The following TENM3 variants were observed in gnomAD, a reference collection of about 807,000 sequenced individuals.
TENM3 encodes the protein teneurin-3.
A neutral mutation model predicts 255.1 loss-of-function variants in TENM3; 63 were observed. The observed-to-expected ratio is 0.25, with a 90% CI of 0.20 to 0.30. TENM3 has a LOEUF of 0.30. Ranked by LOEUF, TENM3 falls within the 10% of genes least tolerant of loss-of-function variation. TENM3 has a pLI of 1.00. For missense variants in TENM3, 2,929 were observed against 3,461.1 expected, an observed-to-expected ratio of 0.85 and a Z score of 3.86; for synonymous variants, 1,306 against 1,322.3, an observed-to-expected ratio of 0.99 and a Z score of 0.27.
the TENM3 span, among the ~76,000 whole-genome samples, chr4:181,570,040 T>C: frequency 1.6e-3 from 237 of 145,738 alleles, 3 homozygotes; most frequent in Non-Finnish European, 5.0e-4. Flanking sequence ...TGTTTCTTTT[T>C]TTTTTTTTTT....
intron 1 of TENM3, among the ~76,000 whole-genome samples, chr4:182,266,560 T>C (rs1052654664): frequency 2.0e-5 from 3 of 152,190 alleles, no homozygotes; most frequent in Non-Finnish European, 4.4e-5. Flanking sequence ...GAATCTTACC[T>C]TATGGTTAAA....
chr4:182,551,504 A>G (rs1742011757), intron 3 of TENM3, among the ~76,000 whole-genome samples: 1 of 152,164 alleles, frequency 6.6e-6, no homozygotes, highest in Non-Finnish European at 1.5e-5. Context: ...TGTGATGATT[A>G]GAAAAGGACT....
chr4:182,402,870 T>C (rs1769300822), intron 3 of TENM3, among the ~76,000 whole-genome samples: 1 of 152,198 alleles, frequency 6.6e-6, no homozygotes, highest in South Asian at 2.1e-4. Flanking sequence ...ATTTAAAACA[T>C]AACTTTTCCT....
At chr4:181,643,819 T>C in the TENM3 span, among the ~76,000 whole-genome samples, 2 of 152,028 alleles carry the variant, frequency 1.3e-5, no homozygotes, top group Non-Finnish European at 2.9e-5. Context: ...GCTCACACCT[T>C]TAATCCCAGC....
chr4:182,056,230 G>A, the TENM3 span, among the ~76,000 whole-genome samples: 2 of 152,102 alleles, frequency 1.3e-5, no homozygotes, highest in Non-Finnish European at 2.9e-5. Context: ...AGAGATCTAA[G>A]ACTAACTGTA....
Position 182,323,966 on chromosome 4 carries a change from C to G in TENM3, c.-55C>G. 6.7e-7 allele frequency: 1 copy of G among 1,501,972 alleles called. No individual in the cohort carries two copies. The highest frequency in any genetic ancestry group is 9.1e-7 in the Non-Finnish European group (1 of 1,094,362). 93.0% of individuals were successfully genotyped at this position (1,501,972 alleles called of 1,614,324 possible). On this transcript the variant is annotated 5_prime_UTR_variant, in exon 2 of 28. Coordinates refer to ENST00000511685, the MANE Select transcript of TENM3 (RefSeq NM_001080477.4). ...CACAGAGAGGCCAATGAGACTTGAA[C>G]CCTGAGCCTAAGTTGTCACCAGCAG... is the stretch of plus-strand genomic sequence containing the variant.
chr4:182,289,208 C>G (rs569116638), intron 1 of TENM3, among the ~76,000 whole-genome samples: 1 of 152,134 alleles, frequency 6.6e-6, no homozygotes, highest in Non-Finnish European at 1.5e-5. Flanking sequence ...CCAGCCTGGG[C>G]GAGGGTGAGA....
rs376211651 is a variant in TENM3 at position 182,680,438 on chromosome 4, G to GA, written c.1639+89_1639+90insA. On this transcript the variant is annotated intron_variant, in intron 9 of 27. Coordinates refer to ENST00000511685, the MANE Select transcript of TENM3 (RefSeq NM_001080477.4). Reference sequence around the variant, plus strand: ...AAAAACTACCGAGACAGGAAAGAAAGGGGGGGGGAGACTGGCATATTGCTT... The same window carrying GA: ...AAAAACTACCGAGACAGGAAAGAAAGAGGGGGGGGAGACTGGCATATTGCTT... 3.0e-5 allele frequency: 38 copies of GA among 1,287,014 alleles called. 1 individual carries two copies. Among genetic ancestry groups the GA allele is most frequent in the Middle Eastern group, 3.8e-4 (2 of 5,286 alleles). The allele number at this position is 1,287,014 out of a possible 1,614,324, so 79.7% of individuals were successfully genotyped here.
chr4:181,835,261 TTATC>T, the TENM3 span, among the ~76,000 whole-genome samples: 1 of 152,224 alleles, frequency 6.6e-6, no homozygotes, highest in African/African-American at 2.4e-5. Flanking sequence ...ATAACTAAAT[TTATC>T]TAACCATGGT....
At chr4:182,249,602 G>A (rs895749140) in intron 1 of TENM3, among the ~76,000 whole-genome samples, 1 of 152,104 alleles carries the variant, frequency 6.6e-6, no homozygotes, top group Non-Finnish European at 1.5e-5. Context: ...ATCATACAAC[G>A]AATGGGGTGG....
At chr4:181,910,172 T>C in the TENM3 span, among the ~76,000 whole-genome samples, 2 of 152,202 alleles carry the variant, frequency 1.3e-5, no homozygotes, top group South Asian at 4.1e-4. Flanking sequence ...AATATATCCA[T>C]GCATATATAT....
At chr4:182,699,997 G>A (rs1757726764) in intron 12 of TENM3, among the ~76,000 whole-genome samples, 1 of 151,996 alleles carries the variant, frequency 6.6e-6, no homozygotes. Flanking sequence ...TAGATCCAAG[G>A]CATTTAAGAG....
chr4:182,095,860 A>AT, the TENM3 span, among the ~76,000 whole-genome samples: 7 of 151,136 alleles, frequency 4.6e-5, no homozygotes, highest in Middle Eastern at 6.8e-3. Flanking sequence ...TTATATGTCC[A>AT]TAAAAACTTA....
the TENM3 span, among the ~76,000 whole-genome samples, chr4:181,800,060 A>G: frequency 6.6e-6 from 1 of 152,180 alleles, no homozygotes; most frequent in Non-Finnish European, 1.5e-5. Flanking sequence ...GTTCTTCAAA[A>G]AAGAGCCAGA....
chr4:181,496,898 A>G, the TENM3 span, among the ~76,000 whole-genome samples: 1 of 152,206 alleles, frequency 6.6e-6, no homozygotes, highest in East Asian at 1.9e-4. Context: ...TGTGGGCAGT[A>G]ACATTTTCTA....
intron 3 of TENM3, among the ~76,000 whole-genome samples, chr4:182,536,352 A>G (rs1393711033): frequency 6.6e-6 from 1 of 152,212 alleles, no homozygotes; most frequent in Admixed American, 6.5e-5. Context: ...TAGCAGTAGG[A>G]CTGAAGACCA....
At chr4:181,460,391 AT>A in the TENM3 span, among the ~76,000 whole-genome samples, 1 of 151,904 alleles carries the variant, frequency 6.6e-6, no homozygotes, top group Non-Finnish European at 1.5e-5. Context: ...ACATGACTTT[AT>A]CTGTAGGTTT....
At chr4:182,321,109 A>T (rs537188664) in intron 1 of TENM3, among the ~76,000 whole-genome samples, 1 of 152,160 alleles carries the variant, frequency 6.6e-6, no homozygotes, top group East Asian at 1.9e-4. Flanking sequence ...ATGATCATTT[A>T]GTTTTCGGTC....
Position 182,802,970 on chromosome 4 carries a change from A to T in TENM3, c.*2619A>T, listed in dbSNP as rs2152844347. The T allele has an allele frequency of 6.5e-6, 1 of 152,726 alleles. No homozygotes were observed. The highest frequency in any genetic ancestry group is 1.5e-5 in the Non-Finnish European group (1 of 68,030). 9.5% of individuals were successfully genotyped at this position (152,726 alleles called of 1,614,324 possible). On this transcript the variant is annotated 3_prime_UTR_variant, in exon 28 of 28. Transcript: ENST00000511685. ...TTTATATGTGACCTGAATTTTCCAT[A>T]ACTTGATGACTATAGATTGCACCTA...
Sources: allele counts gnomAD v4.1 joint callset (sites outside exome capture counted in the v4.1 genomes callset), GRCh38; gene constraint gnomAD v4.1.1; transcripts MANE v1.5; gene names NCBI Gene and HGNC (gene_info 2026-07-23, HGNC 2026-07-21).